PROM1: variants seen among roughly 807,000 people sequenced by gnomAD.
PROM1 encodes the protein prominin-1.
Under a neutral mutation model 116.9 loss-of-function variants are expected in PROM1, and 105 were observed. The ratio of observed to expected loss-of-function variants is 0.90; its 90% CI spans 0.77 to 1.06. The LOEUF is 1.06. Among genes scored for constraint, PROM1 ranks in the 50% least tolerant of loss-of-function variants. The pLI, the probability that PROM1 is intolerant of heterozygous loss-of-function variation, is 0.00. For synonymous variants in PROM1, 393 were observed against 387.0 expected (o/e 1.02, Z -0.18); for missense variants, 1,122 against 1,045.2 (o/e 1.07, Z -1.01).
intron 1 of PROM1, among the ~76,000 whole-genome samples, chr4:16,082,787 TCCTC>T (rs1745280813): frequency 6.6e-6 from 1 of 151,736 alleles, no homozygotes; most frequent in Non-Finnish European, 1.5e-5. Context: ...TGGAGCTAGT[TCCTC>T]CCTCCGATCC....
Position 16,013,337 on chromosome 4 carries a change from C to T in PROM1, c.1079G>A (p.Gly360Asp). Reference protein sequence around the residue: ...RTDLDGLVQQGYQSLNDIPDR... With the variant: ...RTDLDGLVQQDYQSLNDIPDR... ...AGGTATATCATTAAGGGATTGATAG[C>T]CCTGAAAAATATTTCAAAATAAAAG... The change falls in exon 11 of 28, where the codon GGC becomes GAC. Residue 360 changes from glycine to aspartate, a missense_variant and splice_region_variant. Transcript: ENST00000447510. 1.3e-6 allele frequency: 2 copies of T among 1,598,120 alleles called. No homozygotes were observed. Among genetic ancestry groups the T allele is most frequent in the African/African-American group, 1.3e-5 (1 of 74,630 alleles).
intron 10 of PROM1, among the ~76,000 whole-genome samples, chr4:16,014,910 T>C (rs1400544514): frequency 6.6e-6 from 1 of 152,048 alleles, no homozygotes; most frequent in Non-Finnish European, 1.5e-5. Context: ...TTTTTGGGGG[T>C]TTACAGTTCA....
At chr4:16,005,495 GGTGTGTGTGTGT>G (rs3221933) in intron 13 of PROM1, among the ~76,000 whole-genome samples, 30,827 of 145,772 alleles carry the variant, frequency 0.21, 3,496 homozygotes, top group Non-Finnish European at 0.26. Flanking sequence ...TTGTTTGTTT[GGTGTGTGTGTGT>G]GTGTGTGTGT....
intron 5 of PROM1, among the ~76,000 whole-genome samples, chr4:16,026,471 A>T (rs1387716036): frequency 1.6e-5 from 2 of 128,942 alleles, no homozygotes; most frequent in Non-Finnish European, 3.1e-5. Context: ...TGGTTTTAGA[A>T]CTAAAGTTTT....
rs1223589630 is a variant in PROM1, at chr4:15,969,013, C to T, written c.*380G>A. 1.3e-5 allele frequency: 2 copies of T among 152,180 alleles called. No individual in the cohort carries two copies. The allele number at this position is 152,180 out of a possible 1,614,324, so 9.4% of individuals were successfully genotyped here. ...ACTGGTGTGTGTTCAGCACACTCCA[C>T]ACATGGCAATATGTTAGAATCTAGC... On this transcript the variant is annotated 3_prime_UTR_variant, in exon 28 of 28. Transcript: ENST00000447510.
chr4:16,001,412 G>T (rs1293830678), intron 13 of PROM1, among the ~76,000 whole-genome samples: 2 of 152,134 alleles, frequency 1.3e-5, no homozygotes, highest in African/African-American at 4.8e-5. Context: ...GCTTAGCCAT[G>T]GTCATTTATC....
At chr4:16,080,302 CG>C (rs1485092919) in intron 1 of PROM1, among the ~76,000 whole-genome samples, 1 of 151,768 alleles carries the variant, frequency 6.6e-6, no homozygotes, top group Non-Finnish European at 1.5e-5. Flanking sequence ...GGGCGGATCA[CG>C]AGGTCAGGAG....
At position 16,040,881 on chromosome 4, in the gene PROM1, CT is replaced by C. The variant is rs546403531; in HGVS notation, c.221-1881del. On this transcript the variant is annotated intron_variant, in intron 2 of 27. Transcript: ENST00000447510. Reference sequence around the variant, plus strand: ...ATTTTGGCCATTCAATATCCATTCACTTTTTTTTTTCCCTTACAAAACAAAA... The same window carrying C: ...ATTTTGGCCATTCAATATCCATTCACTTTTTTTTTCCCTTACAAAACAAAA... Among the ~76,000 whole-genome samples the C allele has an allele frequency of 3.4e-3, 515 of 150,276 alleles. 4 individuals are homozygous for C. The highest frequency in any genetic ancestry group is 0.012 in the African/African-American group (485 of 41,036).
rs149709126 is a variant in PROM1, at chr4:16,067,727, C to T, written c.220+7960G>A. The stretch of plus-strand genomic sequence containing the variant: ...ACGCAGATGTTGGAGCCTGATCCTA[C>T]GTGGACATGGGCATAGACACGTCGA... On this transcript the variant is annotated intron_variant, in intron 2 of 27. Coordinates refer to ENST00000447510, the MANE Select transcript of PROM1 (RefSeq NM_006017.3). Among the ~76,000 whole-genome samples, 587 of 152,298 alleles carry T rather than the reference C, an allele frequency of 3.9e-3. 3 individuals are homozygous for T. Among genetic ancestry groups the T allele is most frequent in the African/African-American group, 0.013 (548 of 41,564 alleles).
At chr4:16,060,462 T>C (rs536974132) in intron 2 of PROM1, among the ~76,000 whole-genome samples, 23 of 152,260 alleles carry the variant, frequency 1.5e-4, no homozygotes, top group African/African-American at 5.1e-4. Flanking sequence ...TACAGGCACG[T>C]GCTACCACGC....
intron 1 of PROM1, chr4:16,080,097 CAGG>C (rs952266946): frequency 7.4e-5 from 11 of 149,532 alleles, no homozygotes; most frequent in Non-Finnish European, 1.0e-4. Context: ...AAGTCTGAAG[CAGG>C]AGGATTACTT....
intron 2 of PROM1, chr4:16,055,550 G>A: frequency 2.5e-6 from 1 of 395,048 alleles, no homozygotes; most frequent in South Asian, 1.9e-5. Context: ...CCAATTCACG[G>A]TAAACAGCCT....
chr4:16,018,418 T>C lies in PROM1; in HGVS notation c.907A>G (p.Asn303Asp). Residue 303 changes from asparagine to aspartate, a missense_variant, in exon 9 of 28, where the codon AAT becomes GAT. By Grantham distance (23) the Asn-to-Asp change is conservative. Coordinates refer to ENST00000447510, the MANE Select transcript of PROM1 (RefSeq NM_006017.3). ...GGATGCACCAAGCACAGAGGGTCAT[T>C]GAGAGATGACCGCAGGCTAGTTTTC... ...SVKTSLRSSLNDPLCLVHPSS... is the reference protein window; with the variant it reads ...SVKTSLRSSLDDPLCLVHPSS... 6.2e-7 allele frequency: 1 copy of C among 1,613,814 alleles called. No homozygotes were observed.
intron 16 of PROM1, 114 bp from the exon 17 acceptor site, chr4:15,992,505 C>T: frequency 8.7e-7 from 1 of 1,154,346 alleles, no homozygotes; most frequent in South Asian, 1.7e-5. Flanking sequence ...GCAATCCTAG[C>T]ACTTTGGGAG....
At chr4:16,051,067 G>T (rs1578218591) in intron 2 of PROM1, among the ~76,000 whole-genome samples, 1 of 152,314 alleles carries the variant, frequency 6.6e-6, no homozygotes, top group African/African-American at 2.4e-5. Flanking sequence ...AGAGTTATGA[G>T]GAGTAAAGAC....
chr4:16,016,032 T>A, intron 10 of PROM1, 134 bp downstream of exon 10: 2 of 736,660 alleles, frequency 2.7e-6, no homozygotes, highest in Non-Finnish European at 4.4e-6. Flanking sequence ...GCCTGGAAGG[T>A]AATAGCTATC....
At chr4:15,980,682 G>C in intron 23 of PROM1, 145 bp from the exon 24 acceptor site, 2 of 633,518 alleles carry the variant, frequency 3.2e-6, no homozygotes, top group Non-Finnish European at 5.4e-6. Flanking sequence ...ATTTGAGAAT[G>C]TCATGTGGAC....
intron 20 of PROM1, among the ~76,000 whole-genome samples, chr4:15,987,050 T>C (rs967911107): frequency 1.1e-4 from 17 of 152,232 alleles, no homozygotes; most frequent in African/African-American, 3.9e-4. Flanking sequence ...GGATTATTGA[T>C]ATGCTCCTTG....
In PROM1 at chr4:16,006,653, G is replaced by C. The variant is rs1277076300; in HGVS notation, c.1339C>G (p.Leu447Val). ...CCCAGGTAGTAAAAAATCACGATGAGGGTCAGCAGAGAGCAGATGACCAGG... is the reference window on the plus strand; with the variant it reads ...CCCAGGTAGTAAAAAATCACGATGACGGTCAGCAGAGAGCAGATGACCAGG... ...GGLVICSLLT[L>V]IVIFYYLGLL... Residue 447 changes from leucine (L) to valine (V), a missense_variant, in exon 13 of 28, where the codon CTC (leucine) becomes GTC (valine). Leu to Val is a conservative substitution (Grantham distance 32, BLOSUM62 1). Coordinates refer to ENST00000447510, the MANE Select transcript of PROM1 (RefSeq NM_006017.3). 51 of 1,612,950 alleles carry C rather than the reference G, an allele frequency of 3.2e-5. No homozygotes were observed. Among genetic ancestry groups the C allele is most frequent in the Non-Finnish European group, 3.7e-5 (44 of 1,179,606 alleles).
Sources: gnomAD v4.1 joint callset for allele counts (sites outside exome capture counted in the v4.1 genomes callset) on GRCh38, gnomAD v4.1.1 for gene constraint, MANE v1.5 for transcripts, NCBI Gene and HGNC (gene_info 2026-07-23, HGNC 2026-07-21) for gene names.